Variants in LDLRAD3 observed in about 807,000 individuals in gnomAD.
The protein encoded by LDLRAD3 is low density lipoprotein receptor class A domain containing 3.
Under a neutral mutation model 29.4 loss-of-function variants are expected in LDLRAD3, and 20 were observed. The observed-to-expected ratio is 0.68, with a 90% CI of 0.48 to 0.99. The LOEUF is 0.99. Among genes scored for constraint, LDLRAD3 ranks in the 50% least tolerant of loss-of-function variants. LDLRAD3 has a pLI of 0.00. For missense variants in LDLRAD3, 420 were observed against 454.3 expected (o/e 0.92, Z 0.69); for synonymous variants, 157 against 192.7 (o/e 0.81, Z 1.53).
At chr11:36,212,380 C>CT (rs752024329) in intron 4 of LDLRAD3, among the ~76,000 whole-genome samples, 4 of 152,146 alleles carry the variant, frequency 2.6e-5, no homozygotes, top group Admixed American at 6.5e-5. Context: ...ATTTTCACTG[C>CT]ATTCTTCTGT....
intron 1 of LDLRAD3, among the ~76,000 whole-genome samples, chr11:36,011,030 C>T (rs1489993900): frequency 1.3e-5 from 2 of 152,180 alleles, no homozygotes; most frequent in Admixed American, 1.3e-4. Context: ...GTCTCGAACT[C>T]CTAACCTCAG....
At chr11:36,176,729 C>G (rs2133353491) in intron 4 of LDLRAD3, among the ~76,000 whole-genome samples, 1 of 152,256 alleles carries the variant, frequency 6.6e-6, no homozygotes, top group Admixed American at 6.5e-5. Flanking sequence ...ATGCTTTTGC[C>G]TCACAGCTGT....
At chr11:36,212,718 C>T (rs1281484226) in intron 4 of LDLRAD3, among the ~76,000 whole-genome samples, 1 of 152,162 alleles carries the variant, frequency 6.6e-6, no homozygotes, top group Non-Finnish European at 1.5e-5. Context: ...AGATCAAATT[C>T]TGAGGGTGTA....
Position 36,229,278 on chromosome 11 carries a change from G to A in LDLRAD3, c.919G>A (p.Ala307Thr), listed in dbSNP as rs761434151. ...GAGTGCCAACAGTGCCAGCTCCCAG[G>A]CAGCCAGCAGCCTCCTGAGCGTGGA... ...SGSANSASSQ[A>T]ASSLLSVEDT... Residue 307 changes from alanine (A) to threonine (T), a missense_variant, in exon 6 of 6, where the codon GCA (alanine) becomes ACA (threonine). By Grantham distance (58) the Ala-to-Thr change is moderately conservative. Around this residue, in one of 3 missense-constraint regions of LDLRAD3, gnomAD observed 140 missense variants for 139.9 expected, o/e 1.00. Coordinates refer to ENST00000315571, the MANE Select transcript of LDLRAD3 (RefSeq NM_174902.4). The A allele has an allele frequency of 6.2e-7, 1 of 1,614,062 alleles. No individual in the cohort carries two copies.
chr11:36,188,371 CAAAAAAAAAAA>C (rs57049829), intron 4 of LDLRAD3, among the ~76,000 whole-genome samples: 61 of 62,048 alleles, frequency 9.8e-4, no homozygotes, highest in African/African-American at 1.1e-3. Context: ...GGAAAACCAG[CAAAAAAAAAAA>C]AAAAAAAAAA....
At chr11:36,071,149 T>C (rs1031002959) in intron 2 of LDLRAD3, among the ~76,000 whole-genome samples, 6 of 152,136 alleles carry the variant, frequency 3.9e-5, no homozygotes, top group Admixed American at 6.6e-5. Context: ...TGGAGAATAA[T>C]AGAGCGCAGC....
At chr11:36,059,281 T>C (rs1852664277) in intron 2 of LDLRAD3, among the ~76,000 whole-genome samples, 1 of 150,582 alleles carries the variant, frequency 6.6e-6, no homozygotes, top group African/African-American at 2.5e-5. Context: ...CACTTGAGCA[T>C]GAGAGGTTGA....
chr11:36,130,532 G>A (rs74801154), intron 4 of LDLRAD3, among the ~76,000 whole-genome samples: 2,884 of 152,256 alleles, frequency 0.019, 79 homozygotes, highest in African/African-American at 0.066. Flanking sequence ...TGAATGACTC[G>A]CAGGGCTGGG....
At chr11:36,192,747 C>T (rs2133367436) in intron 4 of LDLRAD3, among the ~76,000 whole-genome samples, 1 of 152,296 alleles carries the variant, frequency 6.6e-6, no homozygotes, top group Middle Eastern at 3.4e-3. Flanking sequence ...GGAGTTGTCT[C>T]CCTGGAACCT....
intron 1 of LDLRAD3, among the ~76,000 whole-genome samples, chr11:36,026,236 C>G (rs905914908): frequency 6.6e-6 from 1 of 152,200 alleles, no homozygotes; most frequent in Non-Finnish European, 1.5e-5. Flanking sequence ...GATGTAAACC[C>G]TAGTTCATTT....
intron 3 of LDLRAD3, among the ~76,000 whole-genome samples, chr11:36,084,732 C>A (rs547815098): frequency 6.6e-6 from 1 of 152,172 alleles, no homozygotes; most frequent in East Asian, 1.9e-4. Flanking sequence ...CTGCTTAAAA[C>A]CATTAGGTAA....
chr11:36,183,063 A>G (rs967767563), intron 4 of LDLRAD3, among the ~76,000 whole-genome samples: 12 of 152,212 alleles, frequency 7.9e-5, no homozygotes, highest in African/African-American at 2.9e-4. Context: ...TCATTTATGA[A>G]TAATGGCTTC....
At chr11:36,140,007 T>C (rs183130499) in intron 4 of LDLRAD3, among the ~76,000 whole-genome samples, 35 of 152,318 alleles carry the variant, frequency 2.3e-4, no homozygotes, top group African/African-American at 8.4e-4. Flanking sequence ...GAAAATGACA[T>C]ATCTCTTATT....
intron 1 of LDLRAD3, chr11:35,968,194 C>T: frequency 2.4e-6 from 1 of 414,538 alleles, no homozygotes. Context: ...TTCCTCTTGA[C>T]ACTGGATTGA....
At position 35,944,162 on chromosome 11, in the gene LDLRAD3, C is replaced by T; in HGVS notation, c.46+18C>T. ...CGCCGCGGGTGAGTCGGGGGGCGGC[C>T]GGCGAACTTCCCGCGGGGCGCGGGG... On this transcript the variant is annotated intron_variant, in intron 1 of 5. Transcript: ENST00000315571. This position sits in a 1 kb window ranked among gnomAD's most constrained non-coding sequence, Gnocchi z 4.9. 4 of 1,020,290 alleles carry T rather than the reference C, an allele frequency of 3.9e-6. No homozygotes were observed. Among genetic ancestry groups the T allele is most frequent in the Non-Finnish European group, 4.7e-6 (4 of 854,270 alleles). 63.2% of individuals were successfully genotyped at this position (1,020,290 alleles called of 1,614,324 possible).
chr11:36,141,603 G>A (rs142712343), intron 4 of LDLRAD3, among the ~76,000 whole-genome samples: 231 of 152,260 alleles, frequency 1.5e-3, no homozygotes, highest in African/African-American at 5.4e-3. Context: ...GGAGAATTTG[G>A]TGGGGGTGGG....
At chr11:36,201,664 A>G (rs1855128461) in intron 4 of LDLRAD3, among the ~76,000 whole-genome samples, 1 of 152,242 alleles carries the variant, frequency 6.6e-6, no homozygotes, top group South Asian at 2.1e-4. Context: ...TTGGGAAAGG[A>G]ACACACAGCA....
At chr11:35,978,000 G>GC (rs1851496323) in intron 1 of LDLRAD3, among the ~76,000 whole-genome samples, 1 of 152,150 alleles carries the variant, frequency 6.6e-6, no homozygotes, top group Non-Finnish European at 1.5e-5. Context: ...TCAAACCTGA[G>GC]CCCCTACATC....
chr11:36,188,579 T>G lies in LDLRAD3; in HGVS notation c.455-38506T>G, dbSNP rs1211042366. Reference sequence around the variant, plus strand: ...AGAGATGGGCTAAAAATGGGAAGATTAGTTGAAATTTCGTTAGGAAGCTAT... The same window carrying G: ...AGAGATGGGCTAAAAATGGGAAGATGAGTTGAAATTTCGTTAGGAAGCTAT... On this transcript the variant is annotated intron_variant, in intron 4 of 5. Transcript: ENST00000315571. Among the ~76,000 whole-genome samples the G allele has an allele frequency of 2.0e-5, 3 of 151,936 alleles. No homozygotes were observed. The East Asian group carries it at 5.8e-4, about 29-fold the overall frequency.
Sources: allele counts gnomAD v4.1 joint callset (sites outside exome capture counted in the v4.1 genomes callset), GRCh38; gene constraint gnomAD v4.1.1; regional missense constraint gnomAD v4.1.1; non-coding constraint Gnocchi (gnomAD v3.1); transcripts MANE v1.5; gene names NCBI Gene and HGNC (gene_info 2026-07-23, HGNC 2026-07-21).